The following ANKRD28 variants were observed in gnomAD, a reference collection of about 807,000 sequenced individuals.
ANKRD28 encodes ankyrin repeat domain 28, also known as serine/threonine-protein phosphatase 6 regulatory ankyrin repeat subunit A.
ANKRD28 carries 44 observed loss-of-function variants against 126.5 expected under a neutral mutation model. The ratio of observed to expected loss-of-function variants is 0.35; its 90% CI spans 0.27 to 0.45. The LOEUF (loss-of-function observed/expected upper bound fraction) is 0.45, where lower values mean the gene tolerates loss of function less well. Among genes scored for constraint, ANKRD28 ranks in the 20% least tolerant of loss-of-function variants. ANKRD28 has a pLI of 1.00. For missense variants in ANKRD28, 1,110 were observed against 1,316.6 expected, an observed-to-expected ratio of 0.84 and a Z score of 2.43; for synonymous variants, 442 against 468.5, an observed-to-expected ratio of 0.94 and a Z score of 0.73.
intron 1 of ANKRD28, among the ~76,000 whole-genome samples, chr3:15,811,882 A>G (rs2060719905): frequency 6.6e-6 from 1 of 151,570 alleles, no homozygotes; most frequent in Admixed American, 6.6e-5. Flanking sequence ...AGCCAGGCAC[A>G]GTGGCTCACG....
chr3:15,732,345 G>A (rs1165138864), intron 6 of ANKRD28: 2 of 152,334 alleles, frequency 1.3e-5, no homozygotes, highest in Non-Finnish European at 2.9e-5. Context: ...CATACACAGG[G>A]TGGCAGAACC....
chr3:15,850,222 T>TAGAGAGAGAGAGAGAGAG (rs1402127071), intron 1 of ANKRD28, among the ~76,000 whole-genome samples: 3 of 41,802 alleles, frequency 7.2e-5, no homozygotes, highest in Non-Finnish European at 1.1e-4. Context: ...TATATATATA[T>TAGAGAGAGAGAGAGAGAG]ATAGAGAGAG....
chr3:15,787,558 T>C (rs17041508), intron 2 of ANKRD28, among the ~76,000 whole-genome samples: 287 of 152,252 alleles, frequency 1.9e-3, no homozygotes, highest in African/African-American at 6.5e-3. Context: ...GAGATAGGGA[T>C]GGAGGGTTGT....
chr3:15,689,756 C>A, intron 18 of ANKRD28: 1 of 303,696 alleles, frequency 3.3e-6, no homozygotes, highest in Non-Finnish European at 6.0e-6. Context: ...ATTTTTTGTG[C>A]TTGGTTTACT....
intron 1 of ANKRD28, among the ~76,000 whole-genome samples, chr3:15,834,031 T>C (rs1308674181): frequency 1.3e-5 from 2 of 152,184 alleles, no homozygotes; most frequent in Non-Finnish European, 1.5e-5. Context: ...TTTCTGTAGG[T>C]TGTATGTTTA....
At chr3:15,836,632 T>C (rs1159026870) in intron 1 of ANKRD28, among the ~76,000 whole-genome samples, 2 of 152,162 alleles carry the variant, frequency 1.3e-5, no homozygotes, top group Admixed American at 6.5e-5. Flanking sequence ...GAAAAACATA[T>C]ACCACACAAA....
At chr3:15,758,326 T>C (rs767491888) in intron 3 of ANKRD28, among the ~76,000 whole-genome samples, 4 of 152,054 alleles carry the variant, frequency 2.6e-5, no homozygotes, top group Non-Finnish European at 4.4e-5. Flanking sequence ...AGGCTCAGAG[T>C]AGAATGAGCA....
At chr3:15,710,855 T>C (rs1249861420) in intron 12 of ANKRD28, among the ~76,000 whole-genome samples, 4 of 152,098 alleles carry the variant, frequency 2.6e-5, no homozygotes, top group Non-Finnish European at 1.5e-5. Flanking sequence ...AATTAACAAA[T>C]CTACTTAAAG....
At chr3:15,741,401 G>A (rs1388251594) in intron 4 of ANKRD28, among the ~76,000 whole-genome samples, 1 of 152,112 alleles carries the variant, frequency 6.6e-6, no homozygotes, top group Non-Finnish European at 1.5e-5. Context: ...TAAGCACACG[G>A]AAAATAATGT....
At chr3:15,792,041 C>T (rs551844832) in intron 2 of ANKRD28, among the ~76,000 whole-genome samples, 3 of 152,098 alleles carry the variant, frequency 2.0e-5, no homozygotes, top group Non-Finnish European at 4.4e-5. Flanking sequence ...CATCTTGTCC[C>T]AGTTAAAATG....
chr3:15,729,575 A>T (rs916216302), intron 6 of ANKRD28, among the ~76,000 whole-genome samples: 1 of 152,240 alleles, frequency 6.6e-6, no homozygotes, highest in Non-Finnish European at 1.5e-5. Flanking sequence ...ATAGAAAACA[A>T]GCATCCAAAA....
upstream of ANKRD28, among the ~76,000 whole-genome samples, chr3:15,798,829 C>G (rs902673656): frequency 5.3e-5 from 8 of 151,980 alleles, no homozygotes; most frequent in African/African-American, 1.7e-4. Flanking sequence ...AGAAAACTTA[C>G]AAAGAAAATA....
chr3:15,797,626 A>C lies in ANKRD28; in HGVS notation c.-1105T>G, dbSNP rs772089815. The C allele has an allele frequency of 1.3e-5, 13 of 985,244 alleles. No homozygotes were observed. The highest frequency in any genetic ancestry group is 1.6e-5 in the Non-Finnish European group (13 of 829,932). 61.0% of individuals were successfully genotyped at this position (985,244 alleles called of 1,614,324 possible). On this transcript the variant is annotated 5_prime_UTR_variant, in exon 1 of 28. The change creates a new upstream start codon in the 5' untranslated region. Transcript: ENST00000683139. ...CAGTGTTTCCTTTGATCTCCACATG[A>C]ATACAGCTTCCATTAAACAGTCTTC... is the stretch of plus-strand genomic sequence containing the variant.
rs1162314088 is a variant in ANKRD28 at position 15,814,183 on chromosome 3, T to C, written c.28-18877A>G. On this transcript the variant is annotated intron_variant, in intron 1 of 27. Transcript: ENST00000399451. The surrounding 1 kb of genome is among the most constrained non-coding windows in gnomAD (Gnocchi z 4.7). ...CAAGGAGGCTTAAACAGCAACAAAC[T>C]AACAAATTACAAGAGCTGCCTATAT... 3.0e-6 allele frequency: 3 copies of C among 996,696 alleles called. No homozygotes were observed. The highest frequency in any genetic ancestry group is 3.8e-6 in the Non-Finnish European group (3 of 783,358). The allele number at this position is 996,696 out of a possible 1,614,324, so 61.7% of individuals were successfully genotyped here.
In ANKRD28 at chr3:15,735,509, G is replaced by A. The variant is rs1463459933; in HGVS notation, c.553-12C>T. ...AGTAGTTTGACCATCTGGAATAGAAGTAAACACAGTGTCATCAAAATTGTG... is the reference window on the plus strand; with the variant it reads ...AGTAGTTTGACCATCTGGAATAGAAATAAACACAGTGTCATCAAAATTGTG... On this transcript the variant is annotated splice_polypyrimidine_tract_variant and intron_variant, in intron 5 of 27. Coordinates refer to ENST00000683139, the MANE Select transcript of ANKRD28 (RefSeq NM_001349278.2). 3 of 1,531,714 alleles carry A rather than the reference G, an allele frequency of 2.0e-6. No homozygotes were observed. Among genetic ancestry groups the A allele is most frequent in the Non-Finnish European group, 2.7e-6 (3 of 1,131,566 alleles). 94.9% of individuals were successfully genotyped at this position (1,531,714 alleles called of 1,614,324 possible). A position where few individuals can be genotyped will look rare whatever the true frequency, so the allele number is the denominator to read the frequency against.
At chr3:15,743,378 A>AC (rs773992717) in intron 4 of ANKRD28, among the ~76,000 whole-genome samples, 9,264 of 152,122 alleles carry the variant, frequency 0.061, 379 homozygotes, top group Middle Eastern at 0.12. Context: ...AAACAAACAA[A>AC]AAAAAACAAA....
At position 15,824,699 on chromosome 3, in the gene ANKRD28, AAAT is replaced by A. The variant is rs2125918865; in HGVS notation, c.28-29396_28-29394del. Among the ~76,000 whole-genome samples the A allele has an allele frequency of 2.0e-5, 3 of 152,382 alleles. 1 individual carries two copies. In the South Asian group the frequency reaches 6.2e-4, roughly 32 times the overall value. On this transcript the variant is annotated intron_variant, in intron 1 of 27. Transcript: ENST00000399451. ...AAATGGACACAAGGAAAATATTTACAAATAATAAAACACACTATTGGTGTGCTG... is the reference window on the plus strand; with the variant it reads ...AAATGGACACAAGGAAAATATTTACAAATAAAACACACTATTGGTGTGCTG...
At chr3:15,764,130 C>T (rs113526623) in intron 3 of ANKRD28, among the ~76,000 whole-genome samples, 1 of 152,138 alleles carries the variant, frequency 6.6e-6, no homozygotes, top group African/African-American at 2.4e-5. Flanking sequence ...GAGGCTGAGG[C>T]AGGTGAATCG....
At chr3:15,790,329 A>T (rs1260863596) in intron 2 of ANKRD28, among the ~76,000 whole-genome samples, 5 of 152,142 alleles carry the variant, frequency 3.3e-5, no homozygotes, top group African/African-American at 1.2e-4. Flanking sequence ...CCAGACAAAG[A>T]CACATCAAAA....
Sources: gnomAD v4.1 joint callset for allele counts (sites outside exome capture counted in the v4.1 genomes callset) on GRCh38, gnomAD v4.1.1 for gene constraint, Gnocchi (gnomAD v3.1) non-coding constraint, MANE v1.5 for transcripts, NCBI Gene and HGNC (gene_info 2026-07-23, HGNC 2026-07-21) for gene names.